Variants in APOL2 observed in about 807,000 individuals in gnomAD.
APOL2 encodes apolipoprotein L, 2.
A neutral mutation model predicts 7.1 loss-of-function variants in APOL2; 8 were observed. That is an observed-to-expected ratio of 1.12 (90% CI 0.66 to 2.03). The LOEUF is 2.03. Among genes scored for constraint, APOL2 ranks in the 30% most tolerant of loss-of-function variants. APOL2 has a pLI of 0.00. For missense variants in APOL2, 471 were observed against 415.1 expected, an observed-to-expected ratio of 1.13 and a Z score of -1.17; for synonymous variants, 177 against 159.9, an observed-to-expected ratio of 1.11 and a Z score of -0.81.
At position 36,233,385 on chromosome 22, in the gene APOL2, T is replaced by A; in HGVS notation, c.-80+17A>T. ...TATCTCCTGGGGCCCTGCCAGCTAG[T>A]ATTTACAGAAACTCACCTCGTTCCA... On this transcript the variant is annotated intron_variant, in intron 2 of 4. Coordinates refer to ENST00000358502, the MANE Select transcript of APOL2 (RefSeq NM_030882.4). 1 of 1,554,926 alleles carries A rather than the reference T, an allele frequency of 6.4e-7. No homozygotes were observed. The highest frequency in any genetic ancestry group is 8.7e-7 in the Non-Finnish European group (1 of 1,150,374).
At chr22:36,238,593 A>G (rs962036860) in intron 1 of APOL2, among the ~76,000 whole-genome samples, 1 of 152,178 alleles carries the variant, frequency 6.6e-6, no homozygotes, top group African/African-American at 2.4e-5. Context: ...CTGCTTCTAC[A>G]AACACAGAGA....
chr22:36,229,609 G>A (rs542352398), intron 4 of APOL2, among the ~76,000 whole-genome samples: 15 of 152,278 alleles, frequency 9.9e-5, no homozygotes, highest in Admixed American at 2.6e-4. Context: ...AACCACAATC[G>A]TGCAATAGCA....
chr22:36,227,944 T>G lies in APOL2; in HGVS notation c.474A>C (p.Ala158=), dbSNP rs376581676. 23 of 1,614,116 alleles carry G rather than the reference T, an allele frequency of 1.4e-5. 1 individual carries two copies. The South Asian group carries it at 2.5e-4, about 18-fold the overall frequency. ...LLDTGMGLGA[A]AAVAGITCSV... is the part of the protein sequence containing the mutation. ...TGCAGGTAATCCCAGCCACAGCAGCTGCTGCTCCCAGACCCATGCCAGTGT... is the reference window on the plus strand; with the variant it reads ...TGCAGGTAATCCCAGCCACAGCAGCGGCTGCTCCCAGACCCATGCCAGTGT... The change falls in exon 5 of 5, where the codon GCA becomes GCC. Residue 158 remains alanine, a synonymous_variant. Coordinates refer to ENST00000358502, the MANE Select transcript of APOL2 (RefSeq NM_030882.4).
At chr22:36,236,890 A>T (rs968911277) in intron 1 of APOL2, 1 of 1,281,126 alleles carries the variant, frequency 7.8e-7, no homozygotes, top group Non-Finnish European at 9.9e-7. Flanking sequence ...TCTTGCTGTA[A>T]GGGACGGGGT....
intron 1 of APOL2, chr22:36,234,481 C>A (rs1033444572): frequency 6.6e-6 from 1 of 152,210 alleles, no homozygotes; most frequent in South Asian, 2.1e-4. Flanking sequence ...ACATGAGCCA[C>A]GACACCCGGC....
intron 1 of APOL2, chr22:36,239,078 C>T: frequency 1.8e-6 from 2 of 1,134,246 alleles, no homozygotes; most frequent in South Asian, 5.6e-5. Context: ...ACCTCCCCTC[C>T]TCCACCTTCT....
chr22:36,229,891 G>A (rs2015156929), intron 4 of APOL2, among the ~76,000 whole-genome samples: 1 of 152,182 alleles, frequency 6.6e-6, no homozygotes, highest in Admixed American at 6.5e-5. Flanking sequence ...TGACTGGAGT[G>A]GGAGATCTGG....
At chr22:36,236,063 G>A (rs910135553) in intron 1 of APOL2, among the ~76,000 whole-genome samples, 1 of 152,114 alleles carries the variant, frequency 6.6e-6, no homozygotes, top group Non-Finnish European at 1.5e-5. Context: ...AAAAAACAAA[G>A]GCAATTAGAA....
At chr22:36,236,875 A>G (rs113945431) in intron 1 of APOL2, 10 of 1,265,578 alleles carry the variant, frequency 7.9e-6, no homozygotes, top group Non-Finnish European at 8.9e-6. Context: ...GGGCATCTGG[A>G]CACTTCTTGC....
At chr22:36,237,629 C>G (rs1314178047) in intron 1 of APOL2, among the ~76,000 whole-genome samples, 2 of 152,126 alleles carry the variant, frequency 1.3e-5, no homozygotes, top group South Asian at 2.1e-4. Context: ...CCCAAGCTGT[C>G]TTGAGCTCCT....
At chr22:36,232,417 C>T (rs2015254179) in intron 3 of APOL2, among the ~76,000 whole-genome samples, 1 of 152,190 alleles carries the variant, frequency 6.6e-6, no homozygotes, top group African/African-American at 2.4e-5. Flanking sequence ...GGGTGGCTTC[C>T]ACCTGGAATC....
rs773739602 is a variant in APOL2 at position 36,228,157 on chromosome 22, C to G, written c.261G>C (p.Arg87=). Residue 87 remains arginine (R), a synonymous_variant, in exon 5 of 5, where the codon CGG becomes CGC. Coordinates refer to ENST00000358502, the MANE Select transcript of APOL2 (RefSeq NM_030882.4). Reference sequence around the variant, plus strand: ...TGTGATCCTCAAGCTCCCTTTTCAACCGAGGAAACTCTTTCAAAAACCACT... The same window carrying G: ...TGTGATCCTCAAGCTCCCTTTTCAAGCGAGGAAACTCTTTCAAAAACCACT... The part of the protein sequence containing the change: ...HRQWFLKEFP[R]LKRELEDHIR... 2.5e-6 allele frequency: 4 copies of G among 1,614,120 alleles called. No individual in the cohort carries two copies. The South Asian group carries it at 4.4e-5, about 18-fold the overall frequency.
rs1251609482 is a variant in APOL2 at position 36,231,428 on chromosome 22, G to A, written c.49C>T (p.Gln17Ter). 1.9e-6 allele frequency: 3 copies of A among 1,613,952 alleles called. No individual in the cohort carries two copies. The highest frequency in any genetic ancestry group is 2.7e-5 in the African/African-American group (2 of 74,918). Reference protein sequence around the residue: ...IFIEDYLKYFQDQVSRENLLQ... With the variant: ...IFIEDYLKYF ...AGATTCTCTCTGCTCACTTGGTCCTGGAAATACTTAAGGTAATCCTCAATA... is the reference window on the plus strand; with the variant it reads ...AGATTCTCTCTGCTCACTTGGTCCTAGAAATACTTAAGGTAATCCTCAATA... Residue 17 changes from glutamine to a stop codon, truncating the protein, a stop_gained, in exon 4 of 5, where the codon CAG becomes TAG. Transcript: ENST00000358502. LOFTEE classifies it high-confidence loss of function.
rs1056431837 is a variant in APOL2, at chr22:36,227,415, G to T, written c.1003C>A (p.Gln335Lys). The T allele has an allele frequency of 2.5e-6, 4 of 1,606,766 alleles. No homozygotes were observed. Among genetic ancestry groups the T allele is most frequent in the Non-Finnish European group, 2.6e-6 (3 of 1,176,260 alleles). Residue 335 changes from glutamine (Q) to lysine (K), a missense_variant, in exon 5 of 5, where the codon CAA becomes AAA. Transcript: ENST00000358502. ...TKIHEMLQPG[Q>K]DQ is the part of the protein sequence containing the mutation. The stretch of plus-strand genomic sequence containing the variant: ...GCACTGCTCTGGGGTCATTGGTCTT[G>T]GCCTGGCTGCAGCATCTCATGGATC...
chr22:36,233,032 G>A, intron 3 of APOL2, 121 bp downstream of exon 3: 1 of 1,028,812 alleles, frequency 9.7e-7, no homozygotes. Context: ...CTGCTGCTCG[G>A]GGCAGACTCA....
intron 1 of APOL2, 192 bp downstream of exon 1, chr22:36,239,249 G>T: frequency 7.3e-7 from 1 of 1,369,012 alleles, no homozygotes. Flanking sequence ...CAGTTTACCC[G>T]CCCAGCAGGA....
chr22:36,226,700 T>A lies in APOL2; in HGVS notation c.*704A>T, dbSNP rs572565002. The A allele has an allele frequency of 9.0e-4, 140 of 154,848 alleles. No individual in the cohort carries two copies. The highest frequency in any genetic ancestry group is 3.2e-3 in the African/African-American group (134 of 41,566). 9.6% of individuals were successfully genotyped at this position (154,848 alleles called of 1,614,324 possible). ...GTAGTGGAGCTGCTGTTTCTTCTCC[T>A]GTATCCAACAGTTCTAACTCTGGTT... On this transcript the variant is annotated 3_prime_UTR_variant, in exon 5 of 5. Coordinates refer to ENST00000358502, the MANE Select transcript of APOL2 (RefSeq NM_030882.4).
chr22:36,235,183 G>C (rs1421577305), intron 1 of APOL2, among the ~76,000 whole-genome samples: 2 of 151,416 alleles, frequency 1.3e-5, no homozygotes, highest in East Asian at 3.9e-4. Context: ...CCAGCCTTGA[G>C]TCTACACCAG....
At chr22:36,237,745 A>G (rs998515439) in intron 1 of APOL2, among the ~76,000 whole-genome samples, 4 of 152,118 alleles carry the variant, frequency 2.6e-5, no homozygotes, top group Admixed American at 6.5e-5. Flanking sequence ...GCCACGGTCA[A>G]GTTCAAACCC....
Sources: gnomAD v4.1 joint callset for allele counts (sites outside exome capture counted in the v4.1 genomes callset) on GRCh38, gnomAD v4.1.1 for gene constraint, MANE v1.5 for transcripts, NCBI Gene and HGNC (gene_info 2026-07-23, HGNC 2026-07-21) for gene names.